UGT1A6: variants seen among roughly 807,000 people sequenced by gnomAD.
UGT1A6 encodes the protein UDP-glucuronosyltransferase 1A6.
In UGT1A6, 32 loss-of-function variants were observed where a neutral mutation model predicts 44.4. That is an observed-to-expected ratio of 0.72 (90% CI 0.54 to 0.97). The LOEUF (loss-of-function observed/expected upper bound fraction) is 0.97. Ranked by LOEUF, UGT1A6 falls within the 50% of genes least tolerant of loss-of-function variation. UGT1A6 has a pLI of 0.00. For missense variants in UGT1A6, 685 were observed against 661.9 expected (o/e 1.03, Z -0.38); for synonymous variants, 238 against 248.5 (o/e 0.96, Z 0.40).
intron 1 of UGT1A6, chr2:233,755,026 G>A (rs776900288): frequency 1.5e-6 from 2 of 1,306,986 alleles, no homozygotes; most frequent in Non-Finnish European, 2.1e-6. Context: ...TCCTTGAAGG[G>A]CCTGCCGCCT....
chr2:233,747,212 A>G, intron 1 of UGT1A6: 1 of 1,605,294 alleles, frequency 6.2e-7, no homozygotes, highest in South Asian at 1.1e-5. Context: ...TCTTCTGCTG[A>G]GATGGCCACA....
At chr2:233,771,798 CCCTCCCTT>C (rs951458637) in intron 4 of UGT1A6, among the ~76,000 whole-genome samples, 10 of 147,834 alleles carry the variant, frequency 6.8e-5, no homozygotes, top group African/African-American at 2.5e-4. Context: ...CTCCCTCCCT[CCCTCCCTT>C]CCTCCTTTCC....
chr2:233,707,392 C>G (rs985802582), intron 1 of UGT1A6, among the ~76,000 whole-genome samples: 5 of 152,036 alleles, frequency 3.3e-5, no homozygotes, highest in Non-Finnish European at 7.4e-5. Context: ...ATGAGCTATT[C>G]TTTTTGATGT....
chr2:233,699,396 A>G (rs1384034823), intron 1 of UGT1A6, among the ~76,000 whole-genome samples: 1 of 152,216 alleles, frequency 6.6e-6, no homozygotes, highest in African/African-American at 2.4e-5. Flanking sequence ...CAATTTTAGA[A>G]GAGAATTTAG....
chr2:233,772,331 C>T lies in UGT1A6; in HGVS notation c.1371C>T (p.Ala457=), dbSNP rs755348390. 16 of 1,614,018 alleles carry T rather than the reference C, an allele frequency of 9.9e-6. No homozygotes were observed. The highest frequency in any genetic ancestry group is 5.0e-5 in the Admixed American group (3 of 59,996). The change falls in exon 5 of 5, where the codon GCC becomes GCT. Residue 457 remains alanine (A), a synonymous_variant. Coordinates refer to ENST00000305139, the MANE Select transcript of UGT1A6 (RefSeq NM_001072.4). ...KDRPVEPLDL[A]VFWVEFVMRH... is the part of the protein sequence containing the mutation. ...GCCCGGTGGAGCCGCTGGACCTGGC[C>T]GTGTTCTGGGTGGAGTTTGTGATGA...
rs1035578503 is a variant in UGT1A6 at position 233,760,453 on chromosome 2, G to C, written c.862-6581G>C. 3 of 1,614,120 alleles carry C rather than the reference G, an allele frequency of 1.9e-6. No individual in the cohort carries two copies. The African/African-American group carries it at 4.0e-5, about 22-fold the overall frequency. ...CCAGCAGCTGCAGCAGAGGGGACAT[G>C]AAATAGTTGTCCTAGCACCTGACGC... On this transcript the variant is annotated intron_variant, in intron 1 of 4. Transcript: ENST00000305139.
At position 233,772,325 on chromosome 2, in the gene UGT1A6, C is replaced by CGTGTT; in HGVS notation, c.1365_1366insGTGTT (p.Leu456ValfsTer11). The CGTGTT allele has an allele frequency of 6.2e-7, 1 of 1,614,136 alleles. No individual in the cohort carries two copies. Among genetic ancestry groups the CGTGTT allele is most frequent in the Non-Finnish European group, 8.5e-7 (1 of 1,180,020 alleles). ...AGGACCGCCCGGTGGAGCCGCTGGA[C>CGTGTT]CTGGCCGTGTTCTGGGTGGAGTTTG... On this transcript the variant is annotated frameshift_variant, in exon 5 of 5. Transcript: ENST00000305139. LOFTEE classifies it high-confidence loss of function.
rs969396704 is a variant in UGT1A6 at position 233,741,897 on chromosome 2, C to A, written c.862-25137C>A. On this transcript the variant is annotated intron_variant, in intron 1 of 4. Coordinates refer to ENST00000305139, the MANE Select transcript of UGT1A6 (RefSeq NM_001072.4). ...AGAGGTGACCCTAGAAGAAGGGACC[C>A]TTTGTGATGGAAAAGGTCTTCATTT... 18 of 151,852 alleles carry A rather than the reference C, an allele frequency of 1.2e-4. 1 individual carries two copies. Among genetic ancestry groups the A allele is most frequent in the African/African-American group, 4.1e-4 (17 of 41,132 alleles). The allele number at this position is 151,852 out of a possible 1,614,324, so 9.4% of individuals were successfully genotyped here. A position where few individuals can be genotyped will look rare whatever the true frequency, so the allele number is the denominator to read the frequency against.
intron 4 of UGT1A6, 143 bp downstream of exon 4, chr2:233,768,582 CTTTTTTTTTTTTT>C (rs139595073): frequency 1.1e-5 from 11 of 1,033,176 alleles, no homozygotes; most frequent in Non-Finnish European, 9.8e-6. Context: ...TTTATTTCTT[CTTTTTTTTTTTTT>C]TTTTTTTTTG....
chr2:233,761,836 A>C (rs1697880138), intron 1 of UGT1A6, among the ~76,000 whole-genome samples: 1 of 152,212 alleles, frequency 6.6e-6, no homozygotes, highest in African/African-American at 2.4e-5. Flanking sequence ...ATGGAGCGTT[A>C]GGGAATTACT....
chr2:233,765,404 C>T (rs746281443), intron 1 of UGT1A6, among the ~76,000 whole-genome samples: 4 of 152,166 alleles, frequency 2.6e-5, no homozygotes, highest in Non-Finnish European at 2.9e-5. Flanking sequence ...GGTACATATA[C>T]ACCATGGAAT....
intron 1 of UGT1A6, among the ~76,000 whole-genome samples, chr2:233,730,806 G>C (rs374048907): frequency 3.3e-5 from 5 of 152,118 alleles, no homozygotes; most frequent in South Asian, 2.1e-4. Flanking sequence ...ATGGACATGC[G>C]TCCAAGAAGG....
chr2:233,715,086 A>G (rs1197035680), intron 1 of UGT1A6, among the ~76,000 whole-genome samples: 1 of 152,066 alleles, frequency 6.6e-6, no homozygotes, highest in Non-Finnish European at 1.5e-5. Flanking sequence ...GAGTTTCATC[A>G]TATTGGCCAG....
At chr2:233,717,943 A>C (rs1575519022) in intron 1 of UGT1A6, 1 of 453,580 alleles carries the variant, frequency 2.2e-6, no homozygotes, top group East Asian at 7.0e-5. Flanking sequence ...CTCTATGCAG[A>C]CTTGCAGAAG....
chr2:233,695,359 C>T (rs569384151), intron 1 of UGT1A6, among the ~76,000 whole-genome samples: 5 of 151,840 alleles, frequency 3.3e-5, no homozygotes, highest in Non-Finnish European at 5.9e-5. Context: ...CTCTTGACCT[C>T]GTGGTCCGCC....
intron 1 of UGT1A6, among the ~76,000 whole-genome samples, chr2:233,764,720 G>A (rs1488683607): frequency 6.6e-6 from 1 of 152,208 alleles, no homozygotes; most frequent in African/African-American, 2.4e-5. Flanking sequence ...CCCCAAGAAA[G>A]AGGGAGAGAA....
intron 1 of UGT1A6, among the ~76,000 whole-genome samples, chr2:233,728,329 C>T (rs541948735): frequency 6.6e-6 from 1 of 152,154 alleles, no homozygotes; most frequent in Admixed American, 6.5e-5. Flanking sequence ...GGCTCCAGCT[C>T]CCCCAGTCCC....
At chr2:233,720,981 G>A (rs746699495) in intron 1 of UGT1A6, among the ~76,000 whole-genome samples, 2 of 151,748 alleles carry the variant, frequency 1.3e-5, no homozygotes, top group Non-Finnish European at 2.9e-5. Flanking sequence ...AAAGTGCTGG[G>A]ATTACAGGCA....
intron 1 of UGT1A6, among the ~76,000 whole-genome samples, chr2:233,742,120 G>T (rs910307834): frequency 7.9e-5 from 12 of 151,826 alleles, no homozygotes; most frequent in Admixed American, 6.5e-5. Flanking sequence ...CAGCTTGGTC[G>T]TGGAGACCCT....
Sources: gnomAD v4.1 joint callset for allele counts (sites outside exome capture counted in the v4.1 genomes callset) on GRCh38, gnomAD v4.1.1 for gene constraint, MANE v1.5 for transcripts, NCBI Gene and HGNC (gene_info 2026-07-23, HGNC 2026-07-21) for gene names.